The following TDRD15 variants were observed in gnomAD, a reference collection of about 807,000 sequenced individuals.
TDRD15 encodes the protein tudor domain containing 15, also known as tudor domain-containing protein 15.
For missense variants in TDRD15, 1,416 were observed against 904.7 expected (o/e 1.57, Z -7.25); for synonymous variants, 503 against 314.5 (o/e 1.60, Z -6.34).
chr2:21,137,816 C>G lies in TDRD15; in HGVS notation c.349C>G (p.Leu117Val), dbSNP rs1665837612. 1.4e-6 allele frequency: 1 copy of G among 716,402 alleles called. No individual in the cohort carries two copies. The highest frequency in any genetic ancestry group is 2.7e-5 in the East Asian group (1 of 37,244). The allele number at this position is 716,402 out of a possible 1,614,324, so 44.4% of individuals were successfully genotyped here. The change falls in exon 4 of 4, where the codon CTA becomes GTA. Residue 117 changes from leucine (L) to valine (V), a missense_variant. Transcript: ENST00000405799. ...TTCAGCCTGTGGCAATTTATTTGAG[C>G]TACCGCCACGGGTAGTATTTGGTAT... ...IASACGNLFELPPRVVFGIFA... is the reference protein window; with the variant it reads ...IASACGNLFEVPPRVVFGIFA...
rs927865881 is a variant in TDRD15, at chr2:21,144,196, T to C, written c.*924T>C. On this transcript the variant is annotated 3_prime_UTR_variant, in exon 4 of 4. Coordinates refer to ENST00000405799, the MANE Select transcript of TDRD15 (RefSeq NM_001306137.2). ...AGTCTTTTAAATGTCAAACTGATACTAAAATATTGTTAAAATTTTAATATT... is the reference window on the plus strand; with the variant it reads ...AGTCTTTTAAATGTCAAACTGATACCAAAATATTGTTAAAATTTTAATATT... Among the ~76,000 whole-genome samples the C allele has an allele frequency of 1.3e-5, 2 of 151,836 alleles. No homozygotes were observed. The highest frequency in any genetic ancestry group is 2.9e-5 in the Non-Finnish European group (2 of 67,800).
At chr2:21,137,344 A>G (rs1035200977) in intron 3 of TDRD15, 121 bp from the exon 4 acceptor site, 21 of 465,484 alleles carry the variant, frequency 4.5e-5, no homozygotes, top group African/African-American at 3.8e-4. Flanking sequence ...TTTTATCAAC[A>G]TGTTTAAATT....
downstream of TDRD15, among the ~76,000 whole-genome samples, chr2:21,147,192 G>A (rs964143861): frequency 1.3e-4 from 20 of 151,856 alleles, no homozygotes; most frequent in Non-Finnish European, 5.9e-5. Context: ...GTGCTGCTAA[G>A]CAAGAAACTG....
chr2:21,132,555 G>A (rs1037820476), intron 2 of TDRD15, among the ~76,000 whole-genome samples: 1 of 152,062 alleles, frequency 6.6e-6, no homozygotes, highest in Non-Finnish European at 1.5e-5. Context: ...GGTGGATTGT[G>A]AGTGGAATGA....
chr2:21,145,358 C>T (rs1666014011), downstream of TDRD15, among the ~76,000 whole-genome samples: 2 of 151,920 alleles, frequency 1.3e-5, no homozygotes, highest in Admixed American at 1.3e-4. Flanking sequence ...CTATTGGCAC[C>T]AAACCATACA....
intron 1 of TDRD15, among the ~76,000 whole-genome samples, chr2:21,127,075 A>G (rs1307281864): frequency 6.6e-6 from 1 of 152,234 alleles, no homozygotes; most frequent in Non-Finnish European, 1.5e-5. Flanking sequence ...CAATGATATT[A>G]AGCATCTTTT....
rs1455513613 is a variant in TDRD15, at chr2:21,143,610, T to C, written c.*338T>C. Among the ~76,000 whole-genome samples, 1 of 151,346 alleles carries C rather than the reference T, an allele frequency of 6.6e-6. No individual in the cohort carries two copies. Among genetic ancestry groups the C allele is most frequent in the Non-Finnish European group, 1.5e-5 (1 of 67,588 alleles). ...TACCAACTGAAGGAATACAGGAAAA[T>C]AAGACAATGAACTTGAGAACAGCAG... On this transcript the variant is annotated 3_prime_UTR_variant, in exon 4 of 4. Transcript: ENST00000405799.
chr2:21,141,206 G>C lies in TDRD15; in HGVS notation c.3739G>C (p.Glu1247Gln). The C allele has an allele frequency of 1.4e-6, 1 of 714,396 alleles. No homozygotes were observed. Among genetic ancestry groups the C allele is most frequent in the East Asian group, 2.7e-5 (1 of 37,258 alleles). 44.3% of individuals were successfully genotyped at this position (714,396 alleles called of 1,614,324 possible). Residue 1247 changes from glutamate to glutamine, a missense_variant, in exon 4 of 4, where the codon GAG (glutamate) becomes CAG (glutamine). Transcript: ENST00000405799. ...TGTCCCTGGAGCTGCACATATTCTT[G>C]AGAACAGGCGTGTGGGCCAAAAATC... is the stretch of plus-strand genomic sequence containing the variant. ...KIVPGAAHIL[E>Q]NRRVGQKSVK...
rs1290549614 is a variant in TDRD15, at chr2:21,139,850, A to C, written c.2383A>C (p.Ile795Leu). 1 of 715,802 alleles carries C rather than the reference A, an allele frequency of 1.4e-6. No homozygotes were observed. 44.3% of individuals were successfully genotyped at this position (715,802 alleles called of 1,614,324 possible). A position where few individuals can be genotyped will look rare whatever the true frequency, so the allele number is the denominator to read the frequency against. ...LMEQIQNYYSIHSDPYEIGQT... is the reference protein window; with the variant it reads ...LMEQIQNYYSLHSDPYEIGQT... ...GGAGCAAATTCAGAATTACTATAGT[A>C]TTCATTCTGATCCTTATGAGATTGG... The change falls in exon 4 of 4, where the codon ATT (isoleucine) becomes CTT (leucine). Residue 795 changes from isoleucine to leucine, a missense_variant. Transcript: ENST00000405799.
At chr2:21,126,424 T>C (rs578091662) in intron 1 of TDRD15, among the ~76,000 whole-genome samples, 1 of 152,038 alleles carries the variant, frequency 6.6e-6, no homozygotes, top group South Asian at 2.1e-4. Context: ...TGTAGTGCAA[T>C]AGTGGGACCT....
intron 1 of TDRD15, among the ~76,000 whole-genome samples, chr2:21,126,530 C>CTA (rs1665601824): frequency 6.6e-6 from 1 of 152,050 alleles, no homozygotes; most frequent in Non-Finnish European, 1.5e-5. Context: ...CCACGTCCGG[C>CTA]TAATTTTGTA....
intron 2 of TDRD15, among the ~76,000 whole-genome samples, chr2:21,132,180 G>A (rs1665731775): frequency 6.6e-6 from 1 of 152,130 alleles, no homozygotes; most frequent in Non-Finnish European, 1.5e-5. Flanking sequence ...TGATGGGAGT[G>A]TAATAGGAAA....
chr2:21,126,067 TATAAC>T (rs1035915602), intron 1 of TDRD15, among the ~76,000 whole-genome samples: 13 of 152,252 alleles, frequency 8.5e-5, no homozygotes, highest in African/African-American at 2.2e-4. Context: ...ATATCTGAGA[TATAAC>T]AAACTACACA....
chr2:21,132,521 G>A (rs1441257304), intron 2 of TDRD15, among the ~76,000 whole-genome samples: 1 of 152,066 alleles, frequency 6.6e-6, no homozygotes, highest in Non-Finnish European at 1.5e-5. Flanking sequence ...ATATGCTCTG[G>A]AGATGAACCC....
chr2:21,147,038 A>T (rs1666040642), downstream of TDRD15, among the ~76,000 whole-genome samples: 1 of 152,146 alleles, frequency 6.6e-6, no homozygotes, highest in African/African-American at 2.4e-5. Context: ...GGTGGTTGTG[A>T]AGATAAATTA....
chr2:21,142,684 A>G lies in TDRD15; in HGVS notation c.5217A>G (p.Ala1739=), dbSNP rs779690144. Residue 1739 remains alanine, a synonymous_variant, in exon 4 of 4, where the codon GCA becomes GCG. Coordinates refer to ENST00000405799, the MANE Select transcript of TDRD15 (RefSeq NM_001306137.2). ...FQNDRQYSGI[A]TAVSDPSDFS... is the part of the protein sequence containing the mutation. Reference sequence around the variant, plus strand: ...ATGATAGGCAGTATTCTGGTATTGCAACTGCTGTTTCTGATCCATCAGACT... The same window carrying G: ...ATGATAGGCAGTATTCTGGTATTGCGACTGCTGTTTCTGATCCATCAGACT... 5.6e-6 allele frequency: 4 copies of G among 710,290 alleles called. No individual in the cohort carries two copies. The highest frequency in any genetic ancestry group is 2.3e-4 in the Middle Eastern group (1 of 4,334). 44.0% of individuals were successfully genotyped at this position (710,290 alleles called of 1,614,324 possible).
At chr2:21,129,997 C>T (rs937658500) in intron 2 of TDRD15, among the ~76,000 whole-genome samples, 1 of 152,096 alleles carries the variant, frequency 6.6e-6, no homozygotes, top group Non-Finnish European at 1.5e-5. Context: ...CAAGTCCTTC[C>T]TCTTCTTATA....
chr2:21,127,394 G>A (rs1665619216), intron 1 of TDRD15, among the ~76,000 whole-genome samples: 2 of 152,032 alleles, frequency 1.3e-5, no homozygotes, highest in African/African-American at 4.8e-5. Flanking sequence ...CCACGTCAAG[G>A]TACCTATGAT....
In TDRD15 at chr2:21,141,640, T is replaced by G; in HGVS notation, c.4173T>G (p.Ile1391Met). 1.4e-6 allele frequency: 1 copy of G among 714,292 alleles called. No individual in the cohort carries two copies. The highest frequency in any genetic ancestry group is 1.5e-5 in the South Asian group (1 of 67,176). 44.2% of individuals were successfully genotyped at this position (714,292 alleles called of 1,614,324 possible). ...CTGCAATAGTAAACACATCTAAAAT[T>G]TACGAACTTCAGAGGGAATTTTTAA... ...GNSAIVNTSKIYELQREFLTV... is the reference protein window; with the variant it reads ...GNSAIVNTSKMYELQREFLTV... Residue 1391 changes from isoleucine (I) to methionine (M), a missense_variant, in exon 4 of 4, where the codon ATT becomes ATG. Ile to Met is a conservative substitution (Grantham distance 10). Coordinates refer to ENST00000405799, the MANE Select transcript of TDRD15 (RefSeq NM_001306137.2).
Sources: gnomAD v4.1 joint callset for allele counts (sites outside exome capture counted in the v4.1 genomes callset) on GRCh38, gnomAD v4.1.1 for gene constraint, MANE v1.5 for transcripts, NCBI Gene and HGNC (gene_info 2026-07-23, HGNC 2026-07-21) for gene names.